Variants in THAP1 observed in about 807,000 individuals in gnomAD.
THAP1 encodes the protein THAP domain containing 1, also known as THAP domain-containing protein 1.
Under a neutral mutation model 18.2 loss-of-function variants are expected in THAP1, and 6 were observed. The ratio of observed to expected loss-of-function variants is 0.33; its 90% CI spans 0.18 to 0.65. The LOEUF (loss-of-function observed/expected upper bound fraction) is 0.65. THAP1 is among the 30% of genes least tolerant of loss of function. THAP1 has a pLI of 0.74. For synonymous variants in THAP1, 85 were observed against 90.5 expected (o/e 0.94, Z 0.34); for missense variants, 176 against 253.0 (o/e 0.70, Z 2.06).
At chr8:42,839,110 A>C (rs146146764) in intron 2 of THAP1, 76 bp downstream of exon 2, 3 of 1,530,208 alleles carry the variant, frequency 2.0e-6, no homozygotes, top group Middle Eastern at 1.7e-4. Flanking sequence ...CACTAACTCA[A>C]TTTTCCACAT....
intron 2 of THAP1, among the ~76,000 whole-genome samples, chr8:42,838,590 G>A (rs1321483884): frequency 3.9e-5 from 6 of 152,096 alleles, no homozygotes; most frequent in Non-Finnish European, 7.3e-5. Flanking sequence ...GGGCGGCTGA[G>A]GCAAGAGAAT....
rs1306207782 is a variant in THAP1, at chr8:42,838,094, G to C, written c.510C>G (p.Cys170Trp). 1 of 1,614,170 alleles carries C rather than the reference G, an allele frequency of 6.2e-7. No homozygotes were observed. The highest frequency in any genetic ancestry group is 8.5e-7 in the Non-Finnish European group (1 of 1,180,042). ...TTTCAAGCTGCCGTTCTTGCCTTCT[G>C]CATCGCTGCTGTGCGGTCTTGAGCT... is the stretch of plus-strand genomic sequence containing the variant. ...RKKLKTAQQR[C>W]RRQERQLEKL... Residue 170 changes from cysteine (C) to tryptophan (W), a missense_variant, in exon 3 of 3, where the codon TGC becomes TGG. By Grantham distance (215) the Cys-to-Trp change is radical. Coordinates refer to ENST00000254250, the MANE Select transcript of THAP1 (RefSeq NM_018105.3).
At chr8:42,842,995 C>A (rs1451256835) in intron 1 of THAP1, 29 bp downstream of exon 1, 6 of 1,595,232 alleles carry the variant, frequency 3.8e-6, no homozygotes, top group Non-Finnish European at 5.1e-6. Flanking sequence ...CGGCTGAGAC[C>A]GGCCCCGCGA....
intron 2 of THAP1, 105 bp from the exon 3 acceptor site, chr8:42,838,441 T>G: frequency 6.8e-7 from 1 of 1,464,822 alleles, no homozygotes; most frequent in Admixed American, 1.8e-5. Context: ...ATCCTAGTAC[T>G]TTTGTGAGGA....
In THAP1 at chr8:42,843,141, G is replaced by T; in HGVS notation, c.-47C>A. ...CACTTCTGCCGCCGCAGAAGGCAGG[G>T]GAAGCTGTTCTCAGTGTCGCTGCGC... is the stretch of plus-strand genomic sequence containing the variant. On this transcript the variant is annotated 5_prime_UTR_variant, in exon 1 of 3. Coordinates refer to ENST00000254250, the MANE Select transcript of THAP1 (RefSeq NM_018105.3). 1.2e-6 allele frequency: 2 copies of T among 1,609,798 alleles called. No homozygotes were observed. Among genetic ancestry groups the T allele is most frequent in the Non-Finnish European group, 1.7e-6 (2 of 1,176,432 alleles).
At position 42,839,446 on chromosome 8, in the gene THAP1, T is replaced by C. The variant is rs1213891166; in HGVS notation, c.72-65A>G. 3 of 1,545,160 alleles carry C rather than the reference T, an allele frequency of 1.9e-6. No homozygotes were observed. The African/African-American group carries it at 4.1e-5, about 21-fold the overall frequency. ...TTAAATAAATAAAGGCACCCAAACT[T>C]TCCAGCTTAGGAAATATCTTACATT... On this transcript the variant is annotated intron_variant, in intron 1 of 2. Transcript: ENST00000254250.
At chr8:42,841,294 CTTTTTTTTTTTTTT>C (rs775435611) in intron 1 of THAP1, among the ~76,000 whole-genome samples, 1 of 95,936 alleles carries the variant, frequency 1.0e-5, no homozygotes, top group Admixed American at 1.3e-4. Flanking sequence ...ACAGTTGTAT[CTTTTTTTTTTTTTT>C]TTTTTTTTTT....
chr8:42,839,691 C>T (rs934954474), intron 1 of THAP1, among the ~76,000 whole-genome samples: 7 of 152,130 alleles, frequency 4.6e-5, no homozygotes, highest in South Asian at 2.1e-4. Context: ...GGGACTCAGG[C>T]GTGCGCCACC....
intron 2 of THAP1, among the ~76,000 whole-genome samples, chr8:42,838,749 G>A (rs1324729902): frequency 6.6e-6 from 1 of 151,856 alleles, no homozygotes; most frequent in Non-Finnish European, 1.5e-5. Flanking sequence ...GACTTTTTTT[G>A]GGAATCAGTG....
rs187943266 is a variant in THAP1, at chr8:42,842,798, G to A, written c.71+226C>T. On this transcript the variant is annotated intron_variant, in intron 1 of 2. Coordinates refer to ENST00000254250, the MANE Select transcript of THAP1 (RefSeq NM_018105.3). ...GGCCGTGAGCGAAGCCTGCAACCAG[G>A]GCCTGTTCCAGGAGCGCGAGAAACG... The A allele has an allele frequency of 9.0e-4, 183 of 202,752 alleles. 1 individual carries two copies. The highest frequency in any genetic ancestry group is 4.1e-3 in the African/African-American group (176 of 42,472). The allele number at this position is 202,752 out of a possible 1,614,324, so 12.6% of individuals were successfully genotyped here. A position where few individuals can be genotyped will look rare whatever the true frequency, so the allele number is the denominator to read the frequency against.
At position 42,843,221 on chromosome 8, in the gene THAP1, T is replaced by G; in HGVS notation, c.-127A>C. 1 of 1,172,916 alleles carries G rather than the reference T, an allele frequency of 8.5e-7. No individual in the cohort carries two copies. The highest frequency in any genetic ancestry group is 1.3e-6 in the Non-Finnish European group (1 of 790,076). 72.7% of individuals were successfully genotyped at this position (1,172,916 alleles called of 1,614,324 possible). A position where few individuals can be genotyped will look rare whatever the true frequency, so the allele number is the denominator to read the frequency against. ...CTTTGGCCAACAGTTACAGTGATGG[T>G]GGCCTCCCTCGGGGGTGACTAGTGT... On this transcript the variant is annotated 5_prime_UTR_variant, in exon 1 of 3. Transcript: ENST00000254250.
At chr8:42,842,958 G>A in intron 1 of THAP1, 66 bp downstream of exon 1, 2 of 823,136 alleles carry the variant, frequency 2.4e-6, no homozygotes, top group Non-Finnish European at 3.3e-6. Context: ...CTCCGCCCCC[G>A]GCCCCGCCGG....
chr8:42,842,507 A>C (rs1292876793), intron 1 of THAP1: 1 of 152,236 alleles, frequency 6.6e-6, no homozygotes, highest in Non-Finnish European at 1.5e-5. Context: ...TCTCCAAAAT[A>C]CAGGGTCCTT....
chr8:42,839,318 A>AAACCC lies in THAP1; in HGVS notation c.134_135insGGGTT (p.Phe45LeufsTer30), dbSNP rs761059207. 14 of 1,613,972 alleles carry AAACCC rather than the reference A, an allele frequency of 8.7e-6. No homozygotes were observed. The highest frequency in any genetic ancestry group is 1.7e-6 in the Non-Finnish European group (2 of 1,180,002). On this transcript the variant is annotated frameshift_variant, in exon 2 of 3. Coordinates refer to ENST00000254250, the MANE Select transcript of THAP1 (RefSeq NM_018105.3). LOFTEE classifies it high-confidence loss of function. ...AAATACTGCTATACTTGGTGGGTTT[A>AAACCC]AAGTTTTTTCTTCTGACAGCTGCCT...
At position 42,839,968 on chromosome 8, in the gene THAP1, C is replaced by T. The variant is rs552912656; in HGVS notation, c.72-587G>A. 1.1e-4 allele frequency among the ~76,000 whole-genome samples: 17 copies of T among 152,136 alleles called. No individual in the cohort carries two copies. In the South Asian group the frequency reaches 2.3e-3, roughly 20 times the overall value. On this transcript the variant is annotated intron_variant, in intron 1 of 2. Coordinates refer to ENST00000254250, the MANE Select transcript of THAP1 (RefSeq NM_018105.3). ...TCCCAGCACTTGGGAGGCCACTGTC[C>T]GAGGGACTACTTAAGTCCAAGAGTT...
chr8:42,838,319 C>T lies in THAP1; in HGVS notation c.285G>A (p.Glu95=). Residue 95 remains glutamate (E), a synonymous_variant, in exon 3 of 3, where the codon GAG becomes GAA. Transcript: ENST00000254250. ...EPHDKKEDLL[E]PQEQLPPPPL... ...GAGGTGGGGGAAGCTGTTCCTGTGG[C>T]TCCAGAAGATCTTCTTTCTAAAACA... The T allele has an allele frequency of 6.2e-7, 1 of 1,613,906 alleles. No homozygotes were observed. Among genetic ancestry groups the T allele is most frequent in the South Asian group, 1.1e-5 (1 of 91,074 alleles).
chr8:42,837,341 C>T lies in THAP1; in HGVS notation c.*621G>A, dbSNP rs1014167817. The T allele has an allele frequency of 6.6e-6, 1 of 151,972 alleles. No individual in the cohort carries two copies. Among genetic ancestry groups the T allele is most frequent in the East Asian group, 1.9e-4 (1 of 5,198 alleles). The allele number at this position is 151,972 out of a possible 1,614,324, so 9.4% of individuals were successfully genotyped here. Reference sequence around the variant, plus strand: ...AGCCCATGTAAAAAAAAAAAATCCACTCTTAGAATCTGAAGTTATTGATCA... The same window carrying T: ...AGCCCATGTAAAAAAAAAAAATCCATTCTTAGAATCTGAAGTTATTGATCA... On this transcript the variant is annotated 3_prime_UTR_variant, in exon 3 of 3. Coordinates refer to ENST00000254250, the MANE Select transcript of THAP1 (RefSeq NM_018105.3).
In THAP1 at chr8:42,837,726, A is replaced by G; in HGVS notation, c.*236T>C. 1 of 291,372 alleles carries G rather than the reference A, an allele frequency of 3.4e-6. No individual in the cohort carries two copies. The highest frequency in any genetic ancestry group is 2.2e-5 in the African/African-American group (1 of 45,934). 18.0% of individuals were successfully genotyped at this position (291,372 alleles called of 1,614,324 possible). The stretch of plus-strand genomic sequence containing the variant: ...CCCAATCTTGAAACCAACTTACATT[A>G]GAGGTCTGAGGTTAGTTTATAACTT... On this transcript the variant is annotated 3_prime_UTR_variant, in exon 3 of 3. Coordinates refer to ENST00000254250, the MANE Select transcript of THAP1 (RefSeq NM_018105.3).
rs1450646694 is a variant in THAP1, at chr8:42,838,299, G to A, written c.305C>T (p.Pro102Leu). 1.2e-6 allele frequency: 2 copies of A among 1,614,014 alleles called. No homozygotes were observed. The highest frequency in any genetic ancestry group is 1.7e-4 in the Middle Eastern group (1 of 6,060). ...DLLEPQEQLP[P>L]PPLPPPVSQV... is the part of the protein sequence containing the mutation. ...GGAAACAGGAGGCGGTAAAGGAGGTGGGGGAAGCTGTTCCTGTGGCTCCAG... is the reference window on the plus strand; with the variant it reads ...GGAAACAGGAGGCGGTAAAGGAGGTAGGGGAAGCTGTTCCTGTGGCTCCAG... The change falls in exon 3 of 3, where the codon CCA (proline) becomes CTA (leucine). Residue 102 changes from proline to leucine, a missense_variant. By Grantham distance (98) the Pro-to-Leu change is moderately conservative. Coordinates refer to ENST00000254250, the MANE Select transcript of THAP1 (RefSeq NM_018105.3).
Sources: allele counts gnomAD v4.1 joint callset (sites outside exome capture counted in the v4.1 genomes callset), GRCh38; gene constraint gnomAD v4.1.1; transcripts MANE v1.5; gene names NCBI Gene and HGNC (gene_info 2026-07-23, HGNC 2026-07-21).